The following NRXN3 variants were observed in gnomAD, a reference collection of about 807,000 sequenced individuals.
The protein encoded by NRXN3 is neurexin III.
A neutral mutation model predicts 137.6 loss-of-function variants in NRXN3; 32 were observed. The observed-to-expected ratio is 0.23, with a 90% CI of 0.18 to 0.31. NRXN3 has a LOEUF of 0.31. NRXN3 is among the 10% of genes least tolerant of loss of function. NRXN3 has a pLI of 1.00. For synonymous variants in NRXN3, 798 were observed against 784.5 expected (o/e 1.02, Z -0.29); for missense variants, 1,574 against 2,062.5 (o/e 0.76, Z 4.59).
At chr14:79,059,350 C>T (rs1020785933) in intron 15 of NRXN3, among the ~76,000 whole-genome samples, 17 of 148,972 alleles carry the variant, frequency 1.1e-4, no homozygotes, top group African/African-American at 2.0e-4. Flanking sequence ...CTCCGCCTCC[C>T]GGGTTCATGC....
chr14:78,639,541 A>C (rs2097599071), intron 4 of NRXN3, among the ~76,000 whole-genome samples: 1 of 152,078 alleles, frequency 6.6e-6, no homozygotes, highest in Non-Finnish European at 1.5e-5. Context: ...CTTGTTGTTG[A>C]GAATTTGGAA....
Position 78,821,695 on chromosome 14 carries a change from A to T in NRXN3, c.2275+11351A>T, listed in dbSNP as rs191292768. On this transcript the variant is annotated intron_variant, in intron 10 of 20. Coordinates refer to ENST00000335750, the MANE Select transcript of NRXN3 (RefSeq NM_001330195.2). ...AAAGAGAACACAAAGGAAGATGGATAAAAAAAAAAAATGATGCAGCCACTG... is the reference window on the plus strand; with the variant it reads ...AAAGAGAACACAAAGGAAGATGGATTAAAAAAAAAAATGATGCAGCCACTG... Among the ~76,000 whole-genome samples, 926 of 145,360 alleles carry T rather than the reference A, an allele frequency of 6.4e-3. 10 individuals carry two copies. Among genetic ancestry groups the T allele is most frequent in the African/African-American group, 0.022 (899 of 40,022 alleles).
At chr14:78,488,991 G>A (rs1225554594) in intron 4 of NRXN3, among the ~76,000 whole-genome samples, 1 of 152,142 alleles carries the variant, frequency 6.6e-6, no homozygotes, top group Non-Finnish European at 1.5e-5. Flanking sequence ...CCTCTCTTAG[G>A]AAACTCCCAG....
At chr14:78,187,036 G>T (rs28576213) in intron 1 of NRXN3, among the ~76,000 whole-genome samples, 6,415 of 152,252 alleles carry the variant, frequency 0.042, 416 homozygotes, top group African/African-American at 0.14. Context: ...GCCCTAAGGT[G>T]ACAGTGAGCA....
chr14:78,331,339 A>G (rs752026957), intron 4 of NRXN3, among the ~76,000 whole-genome samples: 1 of 152,220 alleles, frequency 6.6e-6, no homozygotes, highest in Non-Finnish European at 1.5e-5. Context: ...CTTTAAAAGT[A>G]CTGTTGTTTT....
intron 15 of NRXN3, among the ~76,000 whole-genome samples, chr14:79,294,981 T>C (rs2083811817): frequency 6.6e-6 from 1 of 152,200 alleles, no homozygotes; most frequent in South Asian, 2.1e-4. Flanking sequence ...CTCCTGTCCA[T>C]GTTTCCCTCA....
intron 15 of NRXN3, among the ~76,000 whole-genome samples, chr14:79,307,146 A>T (rs1279709401): frequency 6.6e-6 from 1 of 152,010 alleles, no homozygotes; most frequent in Non-Finnish European, 1.5e-5. Flanking sequence ...GAATGATCTT[A>T]TTTCTTCCTC....
chr14:78,727,386 A>G (rs2098490610), intron 8 of NRXN3, among the ~76,000 whole-genome samples: 1 of 152,224 alleles, frequency 6.6e-6, no homozygotes, highest in Non-Finnish European at 1.5e-5. Context: ...TGTAGTTGGC[A>G]GGATTCACTG....
At chr14:79,436,765 A>G (rs2095852040) in intron 15 of NRXN3, among the ~76,000 whole-genome samples, 1 of 152,238 alleles carries the variant, frequency 6.6e-6, no homozygotes, top group Non-Finnish European at 1.5e-5. Flanking sequence ...AGGTACCACT[A>G]AAATCATTGC....
At chr14:79,669,669 A>T (rs2098595310) in intron 17 of NRXN3, among the ~76,000 whole-genome samples, 1 of 152,098 alleles carries the variant, frequency 6.6e-6, no homozygotes, top group African/African-American at 2.4e-5. Flanking sequence ...ATAAATTGCC[A>T]GTGCTCGGGC....
chr14:78,542,561 C>T (rs749040121), intron 4 of NRXN3, among the ~76,000 whole-genome samples: 15 of 152,286 alleles, frequency 9.8e-5, no homozygotes, highest in South Asian at 6.2e-4. Context: ...AGTATTTGGG[C>T]GGGAGTGTCC....
intron 4 of NRXN3, among the ~76,000 whole-genome samples, chr14:78,396,159 T>C (rs574766362): frequency 3.4e-5 from 5 of 146,278 alleles, no homozygotes; most frequent in Admixed American, 2.7e-4. Context: ...AAGTGATTGC[T>C]CTAGGTATTA....
chr14:78,662,713 G>GGTTCATCAT (rs1321322183), intron 6 of NRXN3, among the ~76,000 whole-genome samples: 18 of 152,180 alleles, frequency 1.2e-4, no homozygotes, highest in African/African-American at 4.3e-4. Flanking sequence ...GATTAGCTCA[G>GGTTCATCAT]GTTCATCATG....
At chr14:78,216,867 G>A (rs1344271240) in intron 1 of NRXN3, among the ~76,000 whole-genome samples, 1 of 152,048 alleles carries the variant, frequency 6.6e-6, no homozygotes, top group Non-Finnish European at 1.5e-5. Context: ...GCTTGTAGTG[G>A]CCTCACTCCA....
chr14:79,287,653 C>A (rs1376789807), intron 15 of NRXN3, among the ~76,000 whole-genome samples: 1 of 152,154 alleles, frequency 6.6e-6, no homozygotes, highest in Admixed American at 6.5e-5. Context: ...TGCCAGAACT[C>A]TTAGAATTGA....
intron 15 of NRXN3, among the ~76,000 whole-genome samples, chr14:79,052,620 TG>T (rs1408009355): frequency 2.6e-5 from 4 of 152,208 alleles, no homozygotes; most frequent in Admixed American, 2.0e-4. Flanking sequence ...CCAAATGGCG[TG>T]GGGCTTTCCT....
chr14:78,995,364 T>C (rs953783808), intron 15 of NRXN3, among the ~76,000 whole-genome samples: 1 of 152,196 alleles, frequency 6.6e-6, no homozygotes, highest in African/African-American at 2.4e-5. Context: ...GATTTTTATG[T>C]GTTTGCTTTA....
chr14:79,715,571 C>T (rs141141582), intron 19 of NRXN3, among the ~76,000 whole-genome samples: 6 of 152,260 alleles, frequency 3.9e-5, no homozygotes, highest in African/African-American at 1.4e-4. Flanking sequence ...CACTTAATGG[C>T]CACTGCCTGC....
chr14:78,990,361 A>T (rs1396779716), intron 15 of NRXN3, among the ~76,000 whole-genome samples: 270 of 75,886 alleles, frequency 3.6e-3, no homozygotes, highest in Middle Eastern at 0.015. Context: ...GTTCACATCT[A>T]TTTTTTTTTT....
Sources: allele counts gnomAD v4.1 joint callset (sites outside exome capture counted in the v4.1 genomes callset), GRCh38; gene constraint gnomAD v4.1.1; transcripts MANE v1.5; gene names NCBI Gene and HGNC (gene_info 2026-07-23, HGNC 2026-07-21).